FSHR: variants seen among roughly 807,000 people sequenced by gnomAD.
The protein encoded by FSHR is follicle-stimulating hormone receptor.
In FSHR, 46 loss-of-function variants were observed where a neutral mutation model predicts 52.1. That is an observed-to-expected ratio of 0.88 (90% confidence interval 0.70 to 1.13). The LOEUF is 1.13. Among genes scored for constraint, FSHR ranks in the 50% most tolerant of loss-of-function variants. The pLI, the probability that FSHR is intolerant of heterozygous loss-of-function variation, is 0.00. For missense variants in FSHR, 964 were observed against 834.6 expected (o/e 1.16, Z -1.91); for synonymous variants, 399 against 309.6 (o/e 1.29, Z -3.03).
intron 1 of FSHR, among the ~76,000 whole-genome samples, chr2:49,152,439 C>G (rs1201680824): frequency 2.6e-5 from 4 of 152,074 alleles, no homozygotes; most frequent in African/African-American, 9.7e-5. Flanking sequence ...GTAATTCATA[C>G]AAATATACTC....
chr2:49,126,646 G>T (rs1156714361), intron 1 of FSHR, among the ~76,000 whole-genome samples: 1 of 152,156 alleles, frequency 6.6e-6, no homozygotes, highest in Non-Finnish European at 1.5e-5. Flanking sequence ...TGTTTAGTGG[G>T]ATTGGAAGGG....
intron 1 of FSHR, among the ~76,000 whole-genome samples, chr2:49,098,755 T>C (rs1670917546): frequency 7.1e-6 from 1 of 141,576 alleles, no homozygotes. Flanking sequence ...TATATTATTA[T>C]ATAATAATAT....
intron 1 of FSHR, among the ~76,000 whole-genome samples, chr2:49,077,147 C>T (rs1279256189): frequency 6.6e-6 from 1 of 152,246 alleles, no homozygotes; most frequent in East Asian, 1.9e-4. Context: ...AGAGGCTCTC[C>T]ACAAGGGCCT....
chr2:48,963,902 C>G lies in FSHR; in HGVS notation c.919G>C (p.Ala307Pro), dbSNP rs6165. 4 of 1,613,710 alleles carry G rather than the reference C, an allele frequency of 2.5e-6. No individual in the cohort carries two copies. The South Asian group carries it at 4.4e-5, about 18-fold the overall frequency. ...LRQEVDYMTQARGQRSSLAED... is the reference protein window; with the variant it reads ...LRQEVDYMTQPRGQRSSLAED... ...GCCAGAGAGGATCTCTGACCCCTAGCCTGAGTCATATAATCAACTTCTTGC... is the reference window on the plus strand; with the variant it reads ...GCCAGAGAGGATCTCTGACCCCTAGGCTGAGTCATATAATCAACTTCTTGC... Residue 307 changes from alanine (A) to proline (P), a missense_variant, in exon 10 of 10, where the codon GCT becomes CCT. Physicochemically the swap from Ala to Pro is conservative, Grantham distance 27 (BLOSUM62 -1). Coordinates refer to ENST00000406846, the MANE Select transcript of FSHR (RefSeq NM_000145.4).
intron 1 of FSHR, among the ~76,000 whole-genome samples, chr2:49,121,784 T>G (rs1671825075): frequency 7.0e-6 from 1 of 143,102 alleles, no homozygotes; most frequent in Non-Finnish European, 1.5e-5. Flanking sequence ...TCTTTCATTT[T>G]TAATAGCAAA....
intron 1 of FSHR, among the ~76,000 whole-genome samples, chr2:49,111,161 G>A (rs1671407694): frequency 6.6e-6 from 1 of 152,180 alleles, no homozygotes; most frequent in African/African-American, 2.4e-5. Flanking sequence ...TGAGAGCCAT[G>A]TTCTATATGT....
chr2:49,022,713 C>G (rs541285956), intron 2 of FSHR, among the ~76,000 whole-genome samples: 77 of 152,270 alleles, frequency 5.1e-4, no homozygotes, highest in African/African-American at 1.8e-3. Flanking sequence ...GAGCACCCCT[C>G]TGGGCCTTGG....
intron 2 of FSHR, among the ~76,000 whole-genome samples, chr2:49,032,786 G>T (rs1419069824): frequency 6.6e-6 from 1 of 152,190 alleles, no homozygotes; most frequent in Non-Finnish European, 1.5e-5. Flanking sequence ...AGCACGCAAT[G>T]CAGCATACTG....
At chr2:49,013,855 T>C (rs1667382370) in intron 4 of FSHR, among the ~76,000 whole-genome samples, 1 of 151,980 alleles carries the variant, frequency 6.6e-6, no homozygotes, top group Non-Finnish European at 1.5e-5. Context: ...GGAAGGTGAT[T>C]AGAGTTAGAT....
At chr2:49,042,358 G>T (rs1310311706) in intron 2 of FSHR, among the ~76,000 whole-genome samples, 1 of 152,098 alleles carries the variant, frequency 6.6e-6, no homozygotes, top group Non-Finnish European at 1.5e-5. Flanking sequence ...GGAAGGAGAA[G>T]ATTTTTGCAT....
At chr2:49,034,132 A>G (rs1018681417) in intron 2 of FSHR, among the ~76,000 whole-genome samples, 4 of 152,206 alleles carry the variant, frequency 2.6e-5, no homozygotes, top group Admixed American at 6.5e-5. Flanking sequence ...CAAATGTTTA[A>G]TATCTGTAGG....
At chr2:49,148,333 A>T (rs1267755754) in intron 1 of FSHR, among the ~76,000 whole-genome samples, 1 of 152,016 alleles carries the variant, frequency 6.6e-6, no homozygotes, top group Non-Finnish European at 1.5e-5. Flanking sequence ...CAAACACATA[A>T]AAAAGCAAGG....
intron 9 of FSHR, among the ~76,000 whole-genome samples, chr2:48,966,819 A>T (rs2300444): frequency 0.56 from 84,496 of 152,112 alleles, 23,610 homozygotes; most frequent in African/African-American, 0.57. Flanking sequence ...TTTGGCATGT[A>T]GTGTAAGAAC....
chr2:49,149,332 C>G (rs539268443), intron 1 of FSHR, among the ~76,000 whole-genome samples: 8 of 152,080 alleles, frequency 5.3e-5, no homozygotes, highest in African/African-American at 1.9e-4. Context: ...GAACACAGCA[C>G]ACTTTAAAAT....
At chr2:49,129,047 GTT>G (rs61220657) in intron 1 of FSHR, among the ~76,000 whole-genome samples, 57,453 of 143,534 alleles carry the variant, frequency 0.4, 11,542 homozygotes, top group East Asian at 0.71. Context: ...CTGTTTTCTT[GTT>G]TTTTTTTTTT....
At chr2:49,094,207 A>G (rs1670731289) in intron 1 of FSHR, among the ~76,000 whole-genome samples, 3 of 152,170 alleles carry the variant, frequency 2.0e-5, no homozygotes. Flanking sequence ...TTAATATTTT[A>G]TTACTTCAAT....
At chr2:49,035,598 C>T (rs1341412460) in intron 2 of FSHR, among the ~76,000 whole-genome samples, 1 of 152,182 alleles carries the variant, frequency 6.6e-6, no homozygotes, top group Non-Finnish European at 1.5e-5. Flanking sequence ...TCTATCAAAA[C>T]ATCAGCCTAT....
At chr2:49,139,392 G>A (rs552231879) in intron 1 of FSHR, among the ~76,000 whole-genome samples, 20 of 149,292 alleles carry the variant, frequency 1.3e-4, no homozygotes, top group African/African-American at 5.2e-4. Context: ...AAATTGGACT[G>A]CCTCTGAGAG....
intron 8 of FSHR, among the ~76,000 whole-genome samples, chr2:48,981,991 T>C (rs1405008252): frequency 6.6e-6 from 1 of 152,246 alleles, no homozygotes; most frequent in Non-Finnish European, 1.5e-5. Context: ...CCATTCCTTC[T>C]TGTACCTCAT....
Sources: gnomAD v4.1 joint callset for allele counts (sites outside exome capture counted in the v4.1 genomes callset) on GRCh38, gnomAD v4.1.1 for gene constraint, MANE v1.5 for transcripts, NCBI Gene and HGNC (gene_info 2026-07-23, HGNC 2026-07-21) for gene names.